Variants in FBLN2 observed in about 807,000 individuals in gnomAD.
FBLN2 encodes the protein fibulin 2, also known as fibulin-2.
Under a neutral mutation model 123.7 loss-of-function variants are expected in FBLN2, and 81 were observed. The observed-to-expected ratio is 0.65, with a 90% CI of 0.55 to 0.79. The LOEUF is 0.79. Among genes scored for constraint, FBLN2 ranks in the 30% least tolerant of loss-of-function variants. The pLI is 0.00. For synonymous variants in FBLN2, 699 were observed against 701.4 expected (o/e 1.00, Z 0.05); for missense variants, 1,603 against 1,681.3 (o/e 0.95, Z 0.81).
chr3:13,570,698 C>T lies in FBLN2; in HGVS notation c.343C>T (p.Pro115Ser). 6.3e-7 allele frequency: 1 copy of T among 1,590,236 alleles called. No individual in the cohort carries two copies. Among genetic ancestry groups the T allele is most frequent in the South Asian group, 1.1e-5 (1 of 88,224 alleles). Residue 115 changes from proline to serine, a missense_variant, in exon 2 of 18, where the codon CCG becomes TCG. Pro to Ser is a moderately conservative substitution (Grantham distance 74). Coordinates refer to ENST00000404922, the MANE Select transcript of FBLN2 (RefSeq NM_001004019.2). ...GATCAGCTGCCAGTTCATGCTGTGCCCGGAGCTGCCGCCCAACTGCATCGA... is the reference window on the plus strand; with the variant it reads ...GATCAGCTGCCAGTTCATGCTGTGCTCGGAGCTGCCGCCCAACTGCATCGA... The part of the protein sequence containing the change: ...GKISCQFMLC[P>S]ELPPNCIEAV...
Position 13,626,561 on chromosome 3 carries a change from A to G in FBLN2, c.2413A>G (p.Lys805Glu). The G allele has an allele frequency of 6.5e-7, 1 of 1,549,662 alleles. No homozygotes were observed. The highest frequency in any genetic ancestry group is 8.7e-7 in the Non-Finnish European group (1 of 1,145,724). ...CACCTGTGAGCCAGGCTATGCCCTCAAGGATGGCGAGTGCGAAGGTGAGAA... is the reference window on the plus strand; with the variant it reads ...CACCTGTGAGCCAGGCTATGCCCTCGAGGATGGCGAGTGCGAAGGTGAGAA... ...ALTCEPGYALKDGECEDVDEC... is the reference protein window; with the variant it reads ...ALTCEPGYALEDGECEDVDEC... The change falls in exon 10 of 18, where the codon AAG (lysine) becomes GAG (glutamate). Residue 805 changes from lysine (K) to glutamate (E), a missense_variant. By Grantham distance (56) the Lys-to-Glu change is moderately conservative. Coordinates refer to ENST00000404922, the MANE Select transcript of FBLN2 (RefSeq NM_001004019.2).
At chr3:13,612,845 G>T (rs1365216561) in intron 4 of FBLN2, among the ~76,000 whole-genome samples, 1 of 152,222 alleles carries the variant, frequency 6.6e-6, no homozygotes, top group Non-Finnish European at 1.5e-5. Flanking sequence ...CAAGAATAGA[G>T]TATCAGTTAG....
At chr3:13,611,531 A>G (rs576444676) in intron 4 of FBLN2, among the ~76,000 whole-genome samples, 9 of 152,220 alleles carry the variant, frequency 5.9e-5, no homozygotes, top group African/African-American at 2.2e-4. Flanking sequence ...ACAGTGTTTG[A>G]TCTTTTGTGT....
chr3:13,597,731 G>GC (rs1352516350), intron 2 of FBLN2, among the ~76,000 whole-genome samples: 2 of 152,244 alleles, frequency 1.3e-5, no homozygotes, highest in Admixed American at 1.3e-4. Flanking sequence ...ACAGTGAGTG[G>GC]TTTTCCAGAG....
At chr3:13,609,689 C>CCGGG in intron 4 of FBLN2, 47 bp downstream of exon 4, 1 of 428,812 alleles carries the variant, frequency 2.3e-6, no homozygotes, top group Non-Finnish European at 4.6e-6. Context: ...TGGGGCGGGG[C>CCGGG]GGGAGGCTGG....
chr3:13,613,091 CA>C (rs1470152739), intron 4 of FBLN2, among the ~76,000 whole-genome samples: 1 of 150,344 alleles, frequency 6.7e-6, no homozygotes, highest in Non-Finnish European at 1.5e-5. Flanking sequence ...TCTCAACCCC[CA>C]GCAGGCTAGC....
rs1418319703 is a variant in FBLN2, at chr3:13,563,967, C to G, written c.-41-6348C>G. ...AGTGTTCAGGCTGGTAGAGATGACT[C>G]AGGAAGCCCAACGATGCCAATGGGA... On this transcript the variant is annotated intron_variant, in intron 1 of 17. Transcript: ENST00000404922. Among the ~76,000 whole-genome samples the G allele has an allele frequency of 2.6e-5, 4 of 152,336 alleles. No homozygotes were observed. The East Asian group carries it at 5.8e-4, about 22-fold the overall frequency.
At chr3:13,636,015 C>T (rs983771484) in intron 16 of FBLN2, among the ~76,000 whole-genome samples, 22 of 151,294 alleles carry the variant, frequency 1.5e-4, no homozygotes, top group East Asian at 5.8e-4. Context: ...GATGAGAAGC[C>T]TCCAGCAGTA....
chr3:13,628,189 C>G (rs1053753829), intron 11 of FBLN2, among the ~76,000 whole-genome samples: 2 of 152,220 alleles, frequency 1.3e-5, no homozygotes, highest in African/African-American at 4.8e-5. Flanking sequence ...AGCTGTGAAA[C>G]CTTGGCTGAG....
intron 1 of FBLN2, among the ~76,000 whole-genome samples, chr3:13,550,525 A>C (rs1189299156): frequency 3.3e-5 from 5 of 152,238 alleles, no homozygotes; most frequent in Non-Finnish European, 2.9e-5. Context: ...GTCTACCCTG[A>C]TGCCCCTGAG....
rs368216614 is a variant in FBLN2 at position 13,631,385 on chromosome 3, G to A, written c.3142G>A (p.Val1048Met). ...GILCTFRCLN[V>M]PGSYQCACPE... ...CCTCTGCACCTTCCGCTGTCTCAAC[G>A]TGCCAGGGAGCTACCAGTGTGCATG... The change falls in exon 16 of 18, where the codon GTG (valine) becomes ATG (methionine). Residue 1048 changes from valine (V) to methionine (M), a missense_variant. Transcript: ENST00000404922. 102 of 1,601,948 alleles carry A rather than the reference G, an allele frequency of 6.4e-5. No individual in the cohort carries two copies. Among genetic ancestry groups the A allele is most frequent in the Non-Finnish European group, 8.0e-5 (94 of 1,174,710 alleles).
At chr3:13,624,885 C>T (rs1391404579) in intron 9 of FBLN2, among the ~76,000 whole-genome samples, 17 of 152,278 alleles carry the variant, frequency 1.1e-4, no homozygotes, top group African/African-American at 3.9e-4. Context: ...ATGGGTCAGC[C>T]TTCCACACTG....
At position 13,614,973 on chromosome 3, in the gene FBLN2, TATCCATCCATCCATCC is replaced by T. The variant is rs56688853; in HGVS notation, c.1729+844_1729+859del. On this transcript the variant is annotated intron_variant, in intron 5 of 17. Transcript: ENST00000404922. ...CCATCCGTCTGTTCATCCATCTGCTTATCCATCCATCCATCCATCCATCCATCCATCCATCCATCCA... is the reference window on the plus strand; with the variant it reads ...CCATCCGTCTGTTCATCCATCTGCTTATCCATCCATCCATCCATCCATCCA... 1.1e-3 allele frequency among the ~76,000 whole-genome samples: 162 copies of T among 143,330 alleles called. 1 individual carries two copies. The highest frequency in any genetic ancestry group is 3.6e-3 in the Middle Eastern group (1 of 274). 94.0% of individuals were successfully genotyped at this position (143,330 alleles called of 152,430 possible).
In FBLN2 at chr3:13,636,456, T is replaced by C; in HGVS notation, c.3226T>C (p.Cys1076Arg). Reference sequence around the variant, plus strand: ...CTCTTCTCCCCCAGACGTGGATGAGTGTGCACTGGGTACCCACAACTGTTC... The same window carrying C: ...CTCTTCTCCCCCAGACGTGGATGAGCGTGCACTGGGTACCCACAACTGTTC... ...NGRSCKDVDE[C>R]ALGTHNCSEA... is the part of the protein sequence containing the mutation. The change falls in exon 17 of 18, where the codon TGT (cysteine) becomes CGT (arginine). Residue 1076 changes from cysteine to arginine, a missense_variant. Coordinates refer to ENST00000404922, the MANE Select transcript of FBLN2 (RefSeq NM_001004019.2). 1 of 1,613,544 alleles carries C rather than the reference T, an allele frequency of 6.2e-7. No individual in the cohort carries two copies. The highest frequency in any genetic ancestry group is 8.5e-7 in the Non-Finnish European group (1 of 1,179,702).
chr3:13,606,036 G>A (rs944848401), intron 2 of FBLN2, among the ~76,000 whole-genome samples: 3 of 151,938 alleles, frequency 2.0e-5, no homozygotes, highest in Non-Finnish European at 4.4e-5. Context: ...CTGGGCTCAA[G>A]CCATCCTCCC....
intron 2 of FBLN2, among the ~76,000 whole-genome samples, chr3:13,577,330 G>T (rs1040199810): frequency 6.6e-6 from 1 of 152,018 alleles, no homozygotes; most frequent in Non-Finnish European, 1.5e-5. Flanking sequence ...AGCGAGCCAC[G>T]CGTGCACCTG....
At chr3:13,609,688 G>GGGGGGGGGGGGGCC in intron 4 of FBLN2, 46 bp downstream of exon 4, 36 of 512,520 alleles carry the variant, frequency 7.0e-5, no homozygotes, top group Non-Finnish European at 1.0e-4. Context: ...GTGGGGCGGG[G>GGGGGGGGGGGGGCC]CGGGAGGCTG....
rs908346858 is a variant in FBLN2 at position 13,583,335 on chromosome 3, C to T, written c.1306+11674C>T. On this transcript the variant is annotated intron_variant, in intron 2 of 17. Transcript: ENST00000404922. ...GTCATCATTATGTCCATTTTGTAGACGAGGTGACTGAGGCCCAGGCAGGTT... is the reference window on the plus strand; with the variant it reads ...GTCATCATTATGTCCATTTTGTAGATGAGGTGACTGAGGCCCAGGCAGGTT... Among the ~76,000 whole-genome samples, 8 of 152,260 alleles carry T rather than the reference C, an allele frequency of 5.3e-5. No individual in the cohort carries two copies. In the East Asian group the frequency reaches 1.5e-3, roughly 29 times the overall value.
At chr3:13,600,762 C>G (rs1705006752) in intron 2 of FBLN2, among the ~76,000 whole-genome samples, 1 of 151,988 alleles carries the variant, frequency 6.6e-6, no homozygotes, top group Non-Finnish European at 1.5e-5. Context: ...ATTACAGGTG[C>G]CCACCACCAT....
Sources: allele counts gnomAD v4.1 joint callset (sites outside exome capture counted in the v4.1 genomes callset), GRCh38; gene constraint gnomAD v4.1.1; transcripts MANE v1.5; gene names NCBI Gene and HGNC (gene_info 2026-07-23, HGNC 2026-07-21).